MACO1: variants seen among roughly 807,000 people sequenced by gnomAD.
The protein encoded by MACO1 is macoilin 1.
Under a neutral mutation model 78.7 loss-of-function variants are expected in MACO1, and 14 were observed. The observed-to-expected ratio is 0.18, with a 90% CI of 0.12 to 0.28. The LOEUF is 0.28. Ranked by LOEUF, MACO1 falls within the 10% of genes least tolerant of loss-of-function variation. MACO1 has a pLI of 1.00. For missense variants in MACO1, 501 were observed against 799.0 expected, an observed-to-expected ratio of 0.63 and a Z score of 4.50; for synonymous variants, 288 against 291.6, an observed-to-expected ratio of 0.99 and a Z score of 0.12.
At chr1:25,486,340 A>G (rs1022958241) in intron 8 of MACO1, among the ~76,000 whole-genome samples, 1 of 152,232 alleles carries the variant, frequency 6.6e-6, no homozygotes, top group Non-Finnish European at 1.5e-5. Flanking sequence ...CATTTATGGC[A>G]TAATGAAAAT....
Position 25,454,399 on chromosome 1 carries a change from TGTA to T in MACO1, c.473+18_473+20del. The T allele has an allele frequency of 6.8e-7, 1 of 1,473,240 alleles. No individual in the cohort carries two copies. Among genetic ancestry groups the T allele is most frequent in the Non-Finnish European group, 9.1e-7 (1 of 1,104,746 alleles). The allele number at this position is 1,473,240 out of a possible 1,614,324, so 91.3% of individuals were successfully genotyped here. On this transcript the variant is annotated intron_variant, in intron 4 of 10. Transcript: ENST00000374343. ...TGCTCACTGGTAAGTATTACATAAA[TGTA>T]TGTGTGTGTGTGTGTATATGTGTGT... is the stretch of plus-strand genomic sequence containing the variant.
intron 3 of MACO1, among the ~76,000 whole-genome samples, chr1:25,452,175 A>G (rs1005916859): frequency 6.6e-6 from 1 of 152,142 alleles, no homozygotes; most frequent in Non-Finnish European, 1.5e-5. Context: ...AGGAAGTTAG[A>G]CAAAATGATC....
chr1:25,475,127 G>A (rs2043309767), intron 6 of MACO1, among the ~76,000 whole-genome samples: 2 of 150,822 alleles, frequency 1.3e-5, no homozygotes, highest in Non-Finnish European at 3.0e-5. Context: ...GGCGGATCAC[G>A]AGGTCAGGAG....
rs1344709111 is a variant in MACO1 at position 25,431,165 on chromosome 1, G to A, written c.67G>A (p.Gly23Ser). 1.3e-6 allele frequency: 2 copies of A among 1,597,162 alleles called. No homozygotes were observed. The highest frequency in any genetic ancestry group is 1.7e-5 in the Admixed American group (1 of 58,552). ...RPLKRNRITE[G>S]IYGSTFLYLK... Reference sequence around the variant, plus strand: ...CCTAAAGCGGAACCGGATCACCGAGGGCATTTACGGCAGGTGAGCGGCTGC... The same window carrying A: ...CCTAAAGCGGAACCGGATCACCGAGAGCATTTACGGCAGGTGAGCGGCTGC... The change falls in exon 1 of 11, where the codon GGC (glycine) becomes AGC (serine). Residue 23 changes from glycine (G) to serine (S), a missense_variant. Around this residue, in one of 5 missense-constraint regions of MACO1, gnomAD observed 171 missense variants for 292.1 expected, o/e 0.59. Coordinates refer to ENST00000374343, the MANE Select transcript of MACO1 (RefSeq NM_018202.6).
At position 25,454,398 on chromosome 1, in the gene MACO1, A is replaced by G. The variant is rs915553627; in HGVS notation, c.473+16A>G. 1.3e-6 allele frequency: 2 copies of G among 1,529,012 alleles called. No individual in the cohort carries two copies. The highest frequency in any genetic ancestry group is 1.8e-6 in the Non-Finnish European group (2 of 1,131,428). 94.7% of individuals were successfully genotyped at this position (1,529,012 alleles called of 1,614,324 possible). ...CTGCTCACTGGTAAGTATTACATAA[A>G]TGTATGTGTGTGTGTGTGTATATGT... is the stretch of plus-strand genomic sequence containing the variant. On this transcript the variant is annotated intron_variant, in intron 4 of 10. Coordinates refer to ENST00000374343, the MANE Select transcript of MACO1 (RefSeq NM_018202.6).
chr1:25,471,329 ACT>A (rs1297930885), intron 6 of MACO1, among the ~76,000 whole-genome samples: 1 of 142,532 alleles, frequency 7.0e-6, no homozygotes, highest in African/African-American at 2.6e-5. Flanking sequence ...ACAGAGCAAG[ACT>A]CTGTCTCAAC....
chr1:25,497,783 CCT>C (rs2043550630), intron 10 of MACO1, among the ~76,000 whole-genome samples: 2 of 152,290 alleles, frequency 1.3e-5, no homozygotes, highest in East Asian at 3.9e-4. Context: ...GATAGTCTGT[CCT>C]CTCAAAAAAA....
intron 4 of MACO1, among the ~76,000 whole-genome samples, chr1:25,454,913 C>T (rs1050963521): frequency 2.6e-5 from 4 of 152,292 alleles, no homozygotes; most frequent in African/African-American, 9.6e-5. Flanking sequence ...ATGAGCCCCC[C>T]CTTTTCAGGC....
At chr1:25,439,886 C>G (rs745577426) in intron 1 of MACO1, among the ~76,000 whole-genome samples, 1 of 151,646 alleles carries the variant, frequency 6.6e-6, no homozygotes, top group Non-Finnish European at 1.5e-5. Flanking sequence ...GGCATGGTGG[C>G]GCATGCCTGT....
At chr1:25,498,186 A>G (rs1200852583) in intron 10 of MACO1, 78 bp from the exon 11 acceptor site, 2 of 1,461,292 alleles carry the variant, frequency 1.4e-6, no homozygotes, top group Non-Finnish European at 9.5e-7. Flanking sequence ...AACCGAATCT[A>G]CTTAGGGATT....
intron 6 of MACO1, among the ~76,000 whole-genome samples, chr1:25,459,402 A>G (rs1025931757): frequency 2.0e-5 from 3 of 152,160 alleles, no homozygotes; most frequent in Admixed American, 6.6e-5. Context: ...TTGAAAAGCA[A>G]TCTCTTTCAC....
In MACO1 at chr1:25,431,114, G is replaced by A. The variant is rs2042860293; in HGVS notation, c.16G>A (p.Ala6Thr). Reference protein sequence around the residue: MKRRNADCSKLRRPLK... With the variant: MKRRNTDCSKLRRPLK... ...CAGCGGGAGGATGAAGCGGCGGAAC[G>A]CCGACTGCAGTAAGCTCCGCCGCCC... Residue 6 changes from alanine (A) to threonine (T), a missense_variant, in exon 1 of 11, where the codon GCC (alanine) becomes ACC (threonine). Coordinates refer to ENST00000374343, the MANE Select transcript of MACO1 (RefSeq NM_018202.6). 3 of 1,594,240 alleles carry A rather than the reference G, an allele frequency of 1.9e-6. No individual in the cohort carries two copies. Among genetic ancestry groups the A allele is most frequent in the South Asian group, 2.2e-5 (2 of 89,028 alleles).
intron 6 of MACO1, among the ~76,000 whole-genome samples, chr1:25,468,973 T>G (rs2043243041): frequency 1.3e-5 from 2 of 152,310 alleles, no homozygotes; most frequent in African/African-American, 4.8e-5. Flanking sequence ...CCCAAGTAGC[T>G]GGGATTACAG....
At chr1:25,437,684 C>T (rs535648340) in intron 1 of MACO1, among the ~76,000 whole-genome samples, 1 of 152,178 alleles carries the variant, frequency 6.6e-6, no homozygotes, top group Admixed American at 6.5e-5. Context: ...CTTTGGGAGG[C>T]TAAGGCAAGA....
chr1:25,445,132 TAAAA>T (rs11297651), intron 1 of MACO1, among the ~76,000 whole-genome samples: 3 of 112,266 alleles, frequency 2.7e-5, no homozygotes, highest in Admixed American at 9.4e-5. Context: ...CCATCTCTAT[TAAAA>T]AAAAAAAAAA....
At chr1:25,483,893 G>A (rs2043403113) in intron 6 of MACO1, among the ~76,000 whole-genome samples, 2 of 152,036 alleles carry the variant, frequency 1.3e-5, no homozygotes, top group Non-Finnish European at 2.9e-5. Context: ...TCATAAACAG[G>A]GGGAAGTTGA....
At chr1:25,472,388 C>T (rs1406925668) in intron 6 of MACO1, among the ~76,000 whole-genome samples, 6 of 151,750 alleles carry the variant, frequency 4.0e-5, no homozygotes, top group South Asian at 2.1e-4. Context: ...CAACAGGCCC[C>T]GGTGTGTGAT....
At chr1:25,454,944 T>G (rs995332129) in intron 4 of MACO1, among the ~76,000 whole-genome samples, 1 of 152,198 alleles carries the variant, frequency 6.6e-6, no homozygotes, top group African/African-American at 2.4e-5. Context: ...ATCCCAGCTC[T>G]GTCCTCTGAC....
chr1:25,450,718 G>T (rs7526359), intron 3 of MACO1, among the ~76,000 whole-genome samples: 2 of 152,112 alleles, frequency 1.3e-5, no homozygotes, highest in Admixed American at 6.6e-5. Flanking sequence ...TACTATGAAG[G>T]TTCTTTAGTC....
Sources: allele counts gnomAD v4.1 joint callset (sites outside exome capture counted in the v4.1 genomes callset), GRCh38; gene constraint gnomAD v4.1.1; regional missense constraint gnomAD v4.1.1; transcripts MANE v1.5; gene names NCBI Gene and HGNC (gene_info 2026-07-23, HGNC 2026-07-21).